The following ZEB1 variants were observed in gnomAD, a reference collection of about 807,000 sequenced individuals.
The protein encoded by ZEB1 is zinc finger E-box binding homeobox 1, also known as zinc finger E-box-binding homeobox 1.
Under a neutral mutation model 84.9 loss-of-function variants are expected in ZEB1, and 21 were observed. The ratio of observed to expected loss-of-function variants is 0.25; its 90% CI spans 0.18 to 0.36. The LOEUF (loss-of-function observed/expected upper bound fraction) is 0.36. ZEB1 is among the 10% of genes least tolerant of loss of function. The pLI is 1.00. For missense variants in ZEB1, 1,104 were observed against 1,330.2 expected, an observed-to-expected ratio of 0.83 and a Z score of 2.65; for synonymous variants, 420 against 471.1, an observed-to-expected ratio of 0.89 and a Z score of 1.41.
chr10:31,326,194 C>T (rs1341032445), intron 1 of ZEB1, among the ~76,000 whole-genome samples: 2 of 152,040 alleles, frequency 1.3e-5, no homozygotes, highest in African/African-American at 4.8e-5. Context: ...CAGGCAGATA[C>T]AGTGACATAT....
chr10:31,348,131 C>T (rs1474516855), intron 1 of ZEB1, among the ~76,000 whole-genome samples: 2 of 152,034 alleles, frequency 1.3e-5, no homozygotes, highest in African/African-American at 4.8e-5. Context: ...TGAGTATAAT[C>T]AAGGAGAATC....
rs183913653 is a variant in ZEB1, at chr10:31,491,982, G to A, written c.260-3794G>A. ...TGAACACATTCAGGTCTGAATTTAG[G>A]AATCTGTTGGCATTCGCTTTTTTGA... On this transcript the variant is annotated intron_variant, in intron 2 of 8. Transcript: ENST00000424869. Among the ~76,000 whole-genome samples the A allele has an allele frequency of 3.3e-5, 5 of 152,044 alleles. No homozygotes were observed. In the East Asian group the frequency reaches 9.7e-4, roughly 30 times the overall value.
intron 2 of ZEB1, among the ~76,000 whole-genome samples, chr10:31,486,273 T>A (rs2138661433): frequency 6.6e-6 from 1 of 151,860 alleles, no homozygotes; most frequent in African/African-American, 2.4e-5. Context: ...CTGCATAATA[T>A]GTTGTATATA....
At position 31,461,054 on chromosome 10, in the gene ZEB1, G is replaced by C. The variant is rs760853422; in HGVS notation, c.76G>C (p.Val26Leu). The change falls in exon 2 of 9, where the codon GTG (valine) becomes CTG (leucine). Residue 26 changes from valine to leucine, a missense_variant. By Grantham distance (32) the Val-to-Leu change is conservative. This residue lies in a region of ZEB1 where 162 missense variants were observed against 184.5 expected (regional missense o/e 0.88). Transcript: ENST00000424869. ...RRNNVTNYNT[V>L]VETNSDSDDE... ...TATTACAGTTACAAATTATAATACT[G>C]TGGTAGAAACAAATTCAGATTCAGA... 6.2e-7 allele frequency: 1 copy of C among 1,612,460 alleles called. No homozygotes were observed. The highest frequency in any genetic ancestry group is 1.3e-5 in the African/African-American group (1 of 74,838).
At chr10:31,483,670 G>GA (rs1481363004) in intron 2 of ZEB1, among the ~76,000 whole-genome samples, 1 of 151,848 alleles carries the variant, frequency 6.6e-6, no homozygotes, top group South Asian at 2.1e-4. Context: ...ACAGCAAAAA[G>GA]AAAAAAATAT....
At chr10:31,348,054 C>T (rs1242366893) in intron 1 of ZEB1, among the ~76,000 whole-genome samples, 2 of 152,194 alleles carry the variant, frequency 1.3e-5, no homozygotes, top group Non-Finnish European at 2.9e-5. Flanking sequence ...GTGGGCCTTA[C>T]TTTCCTCACC....
chr10:31,512,356 G>C (rs949860876), intron 5 of ZEB1, among the ~76,000 whole-genome samples: 1 of 152,178 alleles, frequency 6.6e-6, no homozygotes, highest in Non-Finnish European at 1.5e-5. Context: ...ATTCTATGAT[G>C]ATTTTTCCAG....
At chr10:31,360,127 T>C (rs921480928) in intron 1 of ZEB1, among the ~76,000 whole-genome samples, 3 of 152,206 alleles carry the variant, frequency 2.0e-5, no homozygotes, top group African/African-American at 7.2e-5. Context: ...ACTTGGACTT[T>C]ACAATGTTTG....
chr10:31,367,403 T>C (rs2044731340), intron 1 of ZEB1, among the ~76,000 whole-genome samples: 1 of 152,096 alleles, frequency 6.6e-6, no homozygotes, highest in South Asian at 2.1e-4. Flanking sequence ...ATGAAGGTGG[T>C]GGTAGTAGTG....
At chr10:31,409,494 GCT>G (rs1416125237) in intron 1 of ZEB1, among the ~76,000 whole-genome samples, 1 of 151,850 alleles carries the variant, frequency 6.6e-6, no homozygotes, top group Non-Finnish European at 1.5e-5. Context: ...GGCTATACGG[GCT>G]CTTTTTTGGT....
intron 1 of ZEB1, among the ~76,000 whole-genome samples, chr10:31,395,374 G>A (rs922336112): frequency 2.0e-5 from 3 of 152,078 alleles, no homozygotes; most frequent in African/African-American, 4.8e-5. Context: ...TATGCAAGAA[G>A]AGTAGCACTT....
intron 1 of ZEB1, among the ~76,000 whole-genome samples, chr10:31,439,698 C>A (rs529109901): frequency 1.3e-5 from 2 of 152,076 alleles, no homozygotes; most frequent in African/African-American, 4.8e-5. Context: ...TTAAATAGAG[C>A]AGTCATAGGA....
chr10:31,379,850 A>C (rs962402423), intron 1 of ZEB1, among the ~76,000 whole-genome samples: 56 of 152,172 alleles, frequency 3.7e-4, no homozygotes, highest in African/African-American at 1.3e-3. Context: ...TTTTTCCTCA[A>C]CTATTTTTAA....
intron 1 of ZEB1, among the ~76,000 whole-genome samples, chr10:31,385,783 C>T (rs935968998): frequency 2.6e-5 from 4 of 152,168 alleles, no homozygotes; most frequent in African/African-American, 9.7e-5. Context: ...GCCTCAGCCT[C>T]TCAAAGTGCT....
At chr10:31,453,115 C>A (rs1277270738) in intron 1 of ZEB1, among the ~76,000 whole-genome samples, 1 of 152,102 alleles carries the variant, frequency 6.6e-6, no homozygotes, top group East Asian at 1.9e-4. Context: ...CAAATGAGTG[C>A]ATGCTTAGGG....
chr10:31,331,081 CT>C (rs548615284), intron 1 of ZEB1, among the ~76,000 whole-genome samples: 1,237 of 77,780 alleles, frequency 0.016, no homozygotes, highest in African/African-American at 0.033. Flanking sequence ...TTCTTTCTTT[CT>C]TTTTTTTTTT....
intron 1 of ZEB1, among the ~76,000 whole-genome samples, chr10:31,379,431 GTC>G (rs994551359): frequency 6.7e-6 from 1 of 149,808 alleles, no homozygotes; most frequent in Admixed American, 6.6e-5. Flanking sequence ...CTGTCTGTCT[GTC>G]TCTCTCTCTG....
rs189817902 is a variant in ZEB1, at chr10:31,484,042, T to G, written c.260-11734T>G. ...AGCTTCTAGAGGGTACCTGCATTCC[T>G]TGGCTTGTGACTTCTTTTCTCTAAA... On this transcript the variant is annotated intron_variant, in intron 2 of 8. Transcript: ENST00000424869. Among the ~76,000 whole-genome samples, 576 of 152,124 alleles carry G rather than the reference T, an allele frequency of 3.8e-3. 5 individuals carry two copies. Among genetic ancestry groups the G allele is most frequent in the Non-Finnish European group, 4.5e-3 (308 of 67,956 alleles).
At chr10:31,330,367 T>G (rs1159044433) in intron 1 of ZEB1, among the ~76,000 whole-genome samples, 1 of 152,158 alleles carries the variant, frequency 6.6e-6, no homozygotes, top group Non-Finnish European at 1.5e-5. Flanking sequence ...TAGTTGGGGT[T>G]TTCAAGGTTC....
Sources: allele counts gnomAD v4.1 joint callset (sites outside exome capture counted in the v4.1 genomes callset), GRCh38; gene constraint gnomAD v4.1.1; regional missense constraint gnomAD v4.1.1; transcripts MANE v1.5; gene names NCBI Gene and HGNC (gene_info 2026-07-23, HGNC 2026-07-21).